The following DSG4 variants were observed in gnomAD, a reference collection of about 807,000 sequenced individuals.
The protein encoded by DSG4 is desmoglein-4.
DSG4 carries 87 observed loss-of-function variants against 93.1 expected under a neutral mutation model. That is an observed-to-expected ratio of 0.93 (90% confidence interval 0.79 to 1.12). The LOEUF is 1.12. Among genes scored for constraint, DSG4 ranks in the 50% most tolerant of loss-of-function variants. The pLI, the probability that DSG4 is intolerant of heterozygous loss-of-function variation, is 0.00. For synonymous variants in DSG4, 432 were observed against 452.9 expected (o/e 0.95, Z 0.59); for missense variants, 1,373 against 1,285.7 (o/e 1.07, Z -1.04).
intron 8 of DSG4, among the ~76,000 whole-genome samples, chr18:31,395,600 C>T (rs1318820836): frequency 6.6e-6 from 1 of 152,194 alleles, no homozygotes; most frequent in Non-Finnish European, 1.5e-5. Context: ...TTACTAATGT[C>T]CTCTTACACC....
chr18:31,398,684 GC>G (rs1406468336), intron 8 of DSG4, among the ~76,000 whole-genome samples: 1 of 151,640 alleles, frequency 6.6e-6, no homozygotes. Context: ...TTTTCTCTGG[GC>G]ATGGCATTTA....
rs1306385582 is a variant in DSG4 at position 31,404,166 on chromosome 18, G to A, written c.1636+532G>A. On this transcript the variant is annotated intron_variant, in intron 11 of 15. Transcript: ENST00000308128. Reference sequence around the variant, plus strand: ...TTTAAATCCAAATTGCTCAGTATTAGAGGAATGATTAAACAGAGTACATAT... The same window carrying A: ...TTTAAATCCAAATTGCTCAGTATTAAAGGAATGATTAAACAGAGTACATAT... Among the ~76,000 whole-genome samples, 8 of 152,102 alleles carry A rather than the reference G, an allele frequency of 5.3e-5. No individual in the cohort carries two copies. In the East Asian group the frequency reaches 1.3e-3, roughly 26 times the overall value.
intron 8 of DSG4, among the ~76,000 whole-genome samples, chr18:31,392,771 G>A (rs1201496378): frequency 2.0e-5 from 3 of 152,158 alleles, no homozygotes; most frequent in African/African-American, 7.2e-5. Flanking sequence ...AGGAAATAAG[G>A]CTTAAGCAAG....
At chr18:31,401,560 T>C (rs2072367092) in intron 10 of DSG4, 1 of 152,380 alleles carries the variant, frequency 6.6e-6, no homozygotes, top group African/African-American at 2.4e-5. Context: ...TTAAAAGTCA[T>C]AAATACAGAT....
At position 31,399,419 on chromosome 18, in the gene DSG4, T is replaced by C; in HGVS notation, c.1153T>C (p.Phe385Leu). The change falls in exon 9 of 16, where the codon TTT becomes CTT. Residue 385 changes from phenylalanine to leucine, a missense_variant. Phe to Leu is a conservative substitution (Grantham distance 22). Transcript: ENST00000308128. ...QVVDVREGPA[F>L]HPSTMAFSVR... Reference sequence around the variant, plus strand: ...TGTTGATGTGAGAGAAGGACCTGCATTTCATCCAAGTACTATGGCTTTTAG... The same window carrying C: ...TGTTGATGTGAGAGAAGGACCTGCACTTCATCCAAGTACTATGGCTTTTAG... The C allele has an allele frequency of 6.2e-7, 1 of 1,614,086 alleles. No homozygotes were observed. Among genetic ancestry groups the C allele is most frequent in the Non-Finnish European group, 8.5e-7 (1 of 1,179,944 alleles).
In DSG4 at chr18:31,411,308, G is replaced by A. The variant is rs1418388699; in HGVS notation, c.2215G>A (p.Gly739Arg). 6.2e-7 allele frequency: 1 copy of A among 1,614,200 alleles called. No homozygotes were observed. The highest frequency in any genetic ancestry group is 8.5e-7 in the Non-Finnish European group (1 of 1,180,032). The change falls in exon 15 of 16, where the codon GGG becomes AGG. Residue 739 changes from glycine (G) to arginine (R), a missense_variant. Gly to Arg is a moderately radical substitution (Grantham distance 125). Transcript: ENST00000308128. ...GGGAGTGGAGCTCAACACAGGTATG[G>A]GGACAGCCGTTGGCCTCATGGCCGC... ...VSGVELNTGM[G>R]TAVGLMAAGA...
chr18:31,397,033 A>AT (rs35170048), intron 8 of DSG4, among the ~76,000 whole-genome samples: 6,456 of 152,244 alleles, frequency 0.042, 178 homozygotes, highest in Middle Eastern at 0.068. Flanking sequence ...CTGCTATCAC[A>AT]TTCTCTTTTG....
rs1289698743 is a variant in DSG4 at position 31,388,505 on chromosome 18, A to G, written c.355A>G (p.Ile119Val). Reference sequence around the variant, plus strand: ...CATCACTTCAGTGGTAGACAGAGAAATAACTCCACTTTTCTTGGTAAGTCA... The same window carrying G: ...CATCACTTCAGTGGTAGACAGAGAAGTAACTCCACTTTTCTTGGTAAGTCA... ...INITSVVDRE[I>V]TPLFLIYCRA... Residue 119 changes from isoleucine (I) to valine (V), a missense_variant, in exon 4 of 16, where the codon ATA becomes GTA. Ile to Val is a conservative substitution (Grantham distance 29). Transcript: ENST00000308128. The G allele has an allele frequency of 1.2e-6, 2 of 1,613,330 alleles. No individual in the cohort carries two copies. The highest frequency in any genetic ancestry group is 1.7e-6 in the Non-Finnish European group (2 of 1,179,554).
Position 31,400,769 on chromosome 18 carries a change from C to T in DSG4, c.1278-112C>T, listed in dbSNP as rs563789273. On this transcript the variant is annotated intron_variant, in intron 9 of 15. Coordinates refer to ENST00000308128, the MANE Select transcript of DSG4 (RefSeq NM_177986.5). The stretch of plus-strand genomic sequence containing the variant: ...TTTTTATAAACCAAGGCAATCATCA[C>T]TATAAAACATAAAAACACAATATTA... 1.2e-5 allele frequency: 13 copies of T among 1,107,998 alleles called. No homozygotes were observed. In the East Asian group the frequency reaches 3.0e-4, roughly 25 times the overall value. 68.6% of individuals were successfully genotyped at this position (1,107,998 alleles called of 1,614,324 possible). A position where few individuals can be genotyped will look rare whatever the true frequency, so the allele number is the denominator to read the frequency against.
intron 3 of DSG4, among the ~76,000 whole-genome samples, chr18:31,387,313 A>G (rs1404503417): frequency 6.6e-6 from 1 of 152,170 alleles, no homozygotes; most frequent in African/African-American, 2.4e-5. Flanking sequence ...TGTGTAATAA[A>G]TTGATCCAGG....
intron 8 of DSG4, among the ~76,000 whole-genome samples, chr18:31,398,026 C>CAAAAAAAA: frequency 1.2e-5 from 1 of 80,812 alleles, no homozygotes; most frequent in Non-Finnish European, 2.4e-5. Context: ...GACCCTGTCT[C>CAAAAAAAA]AAAAAAAAAA....
chr18:31,394,420 A>G (rs1432527476), intron 8 of DSG4, among the ~76,000 whole-genome samples: 1 of 152,084 alleles, frequency 6.6e-6, no homozygotes, highest in Non-Finnish European at 1.5e-5. Context: ...TCTACTAAAA[A>G]TACAAAATTA....
At position 31,413,564 on chromosome 18, in the gene DSG4, G is replaced by A. The variant is rs372042028; in HGVS notation, c.3092G>A (p.Arg1031Gln). The A allele has an allele frequency of 2.8e-5, 45 of 1,613,814 alleles. No individual in the cohort carries two copies. In the East Asian group the frequency reaches 3.6e-4, roughly 13 times the overall value. The change falls in exon 16 of 16, where the codon CGA becomes CAA. Residue 1031 changes from arginine (R) to glutamine (Q), a missense_variant. Physicochemically the swap from Arg to Gln is conservative, Grantham distance 43. Transcript: ENST00000308128. The part of the protein sequence containing the change: ...SPMTSRHRVT[R>Q]YSNIHYTQQ ...ATGACATCTCGACACAGAGTAACACGATACAGTAACATACATTACACCCAA... is the reference window on the plus strand; with the variant it reads ...ATGACATCTCGACACAGAGTAACACAATACAGTAACATACATTACACCCAA...
intron 11 of DSG4, among the ~76,000 whole-genome samples, chr18:31,405,233 A>G (rs2072411644): frequency 6.6e-6 from 1 of 152,212 alleles, no homozygotes; most frequent in South Asian, 2.1e-4. Flanking sequence ...ATTCCAATGA[A>G]TATTTTAGAC....
intron 10 of DSG4, among the ~76,000 whole-genome samples, chr18:31,402,470 C>A (rs1291291305): frequency 6.6e-6 from 1 of 152,168 alleles, no homozygotes; most frequent in Non-Finnish European, 1.5e-5. Flanking sequence ...CTAGTAAAAA[C>A]AAGTCCAATG....
rs1350163515 is a variant in DSG4 at position 31,386,702 on chromosome 18, C to T, written c.99C>T (p.Asp33=). ...SEFIVEVKEF[D]IENGTTKWQT... is the part of the protein sequence containing the mutation. ...TTTTGCTTAAGGTGAAGGAATTTGA[C>T]ATTGAAAATGGCACTACAAAATGGC... Residue 33 remains aspartate (D), a synonymous_variant, in exon 3 of 16, where the codon GAC becomes GAT. Transcript: ENST00000308128. 1 of 1,613,224 alleles carries T rather than the reference C, an allele frequency of 6.2e-7. No homozygotes were observed. The highest frequency in any genetic ancestry group is 8.5e-7 in the Non-Finnish European group (1 of 1,179,310).
At chr18:31,388,189 G>T (rs2072208815) in intron 3 of DSG4, among the ~76,000 whole-genome samples, 178 bp from the exon 4 acceptor site, 2 of 152,046 alleles carry the variant, frequency 1.3e-5, no homozygotes. Context: ...TATCCCCACT[G>T]TAAGCTGATC....
rs116617428 is a variant in DSG4 at position 31,380,737 on chromosome 18, C to T, written c.48+3778C>T. On this transcript the variant is annotated intron_variant, in intron 1 of 15. Transcript: ENST00000308128. The stretch of plus-strand genomic sequence containing the variant: ...TATTAATAAGTTGGTCCTACATATG[C>T]GGATGACTTCCAAACTGACTACTTA... 7.0e-3 allele frequency among the ~76,000 whole-genome samples: 1,069 copies of T among 152,184 alleles called. 12 individuals are homozygous for T. Among genetic ancestry groups the T allele is most frequent in the African/African-American group, 0.025 (1,021 of 41,526 alleles).
intron 12 of DSG4, among the ~76,000 whole-genome samples, chr18:31,409,126 G>A (rs1464153470): frequency 6.6e-6 from 1 of 152,084 alleles, no homozygotes; most frequent in Non-Finnish European, 1.5e-5. Flanking sequence ...TAACTTACAT[G>A]TATGTGTGCA....
Sources: allele counts gnomAD v4.1 joint callset (sites outside exome capture counted in the v4.1 genomes callset), GRCh38; gene constraint gnomAD v4.1.1; transcripts MANE v1.5; gene names NCBI Gene and HGNC (gene_info 2026-07-23, HGNC 2026-07-21).